DPF2: variants seen among roughly 807,000 people sequenced by gnomAD.
DPF2 encodes the protein zinc finger protein ubi-d4.
In DPF2, 10 loss-of-function variants were observed where a neutral mutation model predicts 59.6. The observed-to-expected ratio is 0.17, with a 90% CI of 0.10 to 0.28. The LOEUF (loss-of-function observed/expected upper bound fraction) is 0.28, where lower values mean the gene tolerates loss of function less well. Among genes scored for constraint, DPF2 ranks in the 10% least tolerant of loss-of-function variants. The pLI is 1.00. For synonymous variants in DPF2, 189 were observed against 190.6 expected, an observed-to-expected ratio of 0.99 and a Z score of 0.07; for missense variants, 315 against 509.4, an observed-to-expected ratio of 0.62 and a Z score of 3.67.
chr11:65,338,255 G>A lies in DPF2; in HGVS notation c.33-2130G>A, dbSNP rs371135016. Among the ~76,000 whole-genome samples the A allele has an allele frequency of 2.0e-5, 3 of 152,208 alleles. No homozygotes were observed. The South Asian group carries it at 6.2e-4, about 32-fold the overall frequency. On this transcript the variant is annotated intron_variant, in intron 1 of 10. Coordinates refer to ENST00000528416, the MANE Select transcript of DPF2 (RefSeq NM_006268.5). ...AGCTACTGTGCCCGGCCTCCCTTAA[G>A]TTCTTAAGAGCTCACTGTCATGCTG... is the stretch of plus-strand genomic sequence containing the variant.
rs149432821 is a variant in DPF2 at position 65,345,922 on chromosome 11, C to T, written c.776-8C>T. ...CATGGGTGTCATCAAAACTCTTTCT[C>T]TCTGTAGCCAAAAAGGGTCCTGATG... On this transcript the variant is annotated splice_region_variant and splice_polypyrimidine_tract_variant and intron_variant, in intron 7 of 10. Transcript: ENST00000528416. The T allele has an allele frequency of 2.0e-5, 33 of 1,614,052 alleles. No homozygotes were observed. The East Asian group carries it at 5.8e-4, about 28-fold the overall frequency.
At chr11:65,341,753 C>G in intron 4 of DPF2, 191 bp downstream of exon 4, 1 of 663,362 alleles carries the variant, frequency 1.5e-6, no homozygotes. Flanking sequence ...TAACTATAGA[C>G]TCTCATTCAT....
At chr11:65,344,421 T>C in intron 6 of DPF2, 1 of 695,228 alleles carries the variant, frequency 1.4e-6, no homozygotes, top group Non-Finnish European at 2.4e-6. Flanking sequence ...TCTGTTCTCT[T>C]TTTCTTTCTG....
chr11:65,345,456 G>A (rs1248396404), intron 6 of DPF2: 1 of 627,224 alleles, frequency 1.6e-6, no homozygotes. Flanking sequence ...AGTTCAGGAG[G>A]GAAAAGAGCC....
Position 65,345,597 on chromosome 11 carries a change from G to A in DPF2, c.638-69G>A, listed in dbSNP as rs973467359. ...CTCTGCCTCAGGTGGAGCCCCCACA[G>A]CTTGCAGGGATGGGGACATGGCACT... On this transcript the variant is annotated intron_variant, in intron 6 of 10. Transcript: ENST00000528416. The A allele has an allele frequency of 1.5e-5, 24 of 1,588,820 alleles. No individual in the cohort carries two copies. In the Admixed American group the frequency reaches 4.0e-4, roughly 27 times the overall value.
chr11:65,342,419 C>G (rs909984792), intron 4 of DPF2, among the ~76,000 whole-genome samples: 1 of 152,160 alleles, frequency 6.6e-6, no homozygotes, highest in Non-Finnish European at 1.5e-5. Flanking sequence ...GCACTCCAGC[C>G]TGGGTAACAG....
At chr11:65,342,818 C>T (rs1854412459) in intron 4 of DPF2, among the ~76,000 whole-genome samples, 1 of 149,718 alleles carries the variant, frequency 6.7e-6, no homozygotes. Flanking sequence ...CGAGACCATC[C>T]TGGCTAACAT....
At chr11:65,337,545 A>AGAGAGAGAGAGG (rs1211980981) in intron 1 of DPF2, among the ~76,000 whole-genome samples, 2 of 136,938 alleles carry the variant, frequency 1.5e-5, no homozygotes, top group East Asian at 2.1e-4. Context: ...AGAGAGAGAG[A>AGAGAGAGAGAGG]GAACAATGTT....
Position 65,333,929 on chromosome 11 carries a change from GTTTC to G in DPF2, c.32+17_32+20del, listed in dbSNP as rs1326721192. ...GAATGTAGTGAAGCTGTGAGTGGTC[GTTTC>G]TTTCTCTCCTAGGGCGGCAGGTTTT... On this transcript the variant is annotated intron_variant, in intron 1 of 10. Transcript: ENST00000528416. The G allele has an allele frequency of 9.9e-6, 16 of 1,613,754 alleles. No homozygotes were observed. The highest frequency in any genetic ancestry group is 9.9e-5 in the South Asian group (9 of 91,052).
chr11:65,346,876 A>G (rs1483706957), intron 9 of DPF2: 1 of 153,918 alleles, frequency 6.5e-6, no homozygotes, highest in East Asian at 1.9e-4. Flanking sequence ...ATGACAGGGC[A>G]TGGGAGAGTA....
intron 4 of DPF2, chr11:65,343,425 C>G: frequency 3.2e-6 from 1 of 309,668 alleles, no homozygotes; most frequent in Non-Finnish European, 6.0e-6. Context: ...GGTGGCCAAT[C>G]AGAGGCAGGA....
At chr11:65,341,097 G>A in intron 3 of DPF2, 24 bp downstream of exon 3, 1 of 1,611,646 alleles carries the variant, frequency 6.2e-7, no homozygotes, top group Non-Finnish European at 8.5e-7. Context: ...TTCCTGAGCA[G>A]AGGCGTGGCC....
chr11:65,335,777 G>A (rs537017069), intron 1 of DPF2, among the ~76,000 whole-genome samples: 2 of 152,068 alleles, frequency 1.3e-5, no homozygotes, highest in Admixed American at 1.3e-4. Context: ...GTTATACATT[G>A]AGTACATTGA....
intron 1 of DPF2, among the ~76,000 whole-genome samples, chr11:65,337,502 TATAGAG>T (rs1365418573): frequency 6.0e-3 from 200 of 33,080 alleles, no homozygotes; most frequent in African/African-American, 8.8e-3. Context: ...TATATATATA[TATAGAG>T]AGAGAGAGAG....
chr11:65,343,877 G>A, intron 5 of DPF2, 40 bp downstream of exon 5: 1 of 1,584,172 alleles, frequency 6.3e-7, no homozygotes, highest in Non-Finnish European at 8.6e-7. Flanking sequence ...GGGACAGGGT[G>A]GCCTAGGGAA....
chr11:65,349,721 G>A (rs994162770), intron 10 of DPF2, among the ~76,000 whole-genome samples: 9 of 151,918 alleles, frequency 5.9e-5, no homozygotes, highest in African/African-American at 1.2e-4. Context: ...GCGTGAACCC[G>A]GGAAGCGGAG....
chr11:65,340,477 T>G lies in DPF2; in HGVS notation c.125T>G (p.Leu42Trp). The change falls in exon 2 of 11, where the codon TTG becomes TGG. Residue 42 changes from leucine (L) to tryptophan (W), a missense_variant. Leu to Trp is a moderately conservative substitution (Grantham distance 61). Coordinates refer to ENST00000528416, the MANE Select transcript of DPF2 (RefSeq NM_006268.5). ...CAERSVRLPFLDSQTGVAQSN... is the reference protein window; with the variant it reads ...CAERSVRLPFWDSQTGVAQSN... Reference sequence around the variant, plus strand: ...GAGCGCAGCGTGCGCCTGCCTTTCTTGGACTCACAGACCGGAGTAGCCCAG... The same window carrying G: ...GAGCGCAGCGTGCGCCTGCCTTTCTGGGACTCACAGACCGGAGTAGCCCAG... 1 of 1,614,246 alleles carries G rather than the reference T, an allele frequency of 6.2e-7. No individual in the cohort carries two copies. The highest frequency in any genetic ancestry group is 8.5e-7 in the Non-Finnish European group (1 of 1,180,042).
In DPF2 at chr11:65,340,287, T is replaced by G. The variant is rs1345569060; in HGVS notation, c.33-98T>G. ...CGGAAGAGACAGCCACCCAGTCCCT[T>G]GAGCCTTCTAGAGAAGCAGATGGCA... On this transcript the variant is annotated intron_variant, in intron 1 of 10. Coordinates refer to ENST00000528416, the MANE Select transcript of DPF2 (RefSeq NM_006268.5). The G allele has an allele frequency of 3.5e-6, 5 of 1,435,592 alleles. No individual in the cohort carries two copies. In the East Asian group the frequency reaches 1.2e-4, roughly 34 times the overall value. 88.9% of individuals were successfully genotyped at this position (1,435,592 alleles called of 1,614,324 possible).
At chr11:65,334,334 G>GCAGCAA (rs1950068096) in intron 1 of DPF2, among the ~76,000 whole-genome samples, 1 of 151,472 alleles carries the variant, frequency 6.6e-6, no homozygotes, top group South Asian at 2.1e-4. Flanking sequence ...CCCGTTCGCT[G>GCAGCAA]CAGCAACAGG....
Sources: gnomAD v4.1 joint callset for allele counts (sites outside exome capture counted in the v4.1 genomes callset) on GRCh38, gnomAD v4.1.1 for gene constraint, MANE v1.5 for transcripts, NCBI Gene and HGNC (gene_info 2026-07-23, HGNC 2026-07-21) for gene names.